Variants in PSTPIP2 observed in about 807,000 individuals in gnomAD.
PSTPIP2 encodes proline-serine-threonine phosphatase interacting protein 2.
In PSTPIP2, 33 loss-of-function variants were observed where a neutral mutation model predicts 63.3. That is an observed-to-expected ratio of 0.52 (90% CI 0.40 to 0.70). PSTPIP2 has a LOEUF of 0.70. Ranked by LOEUF, PSTPIP2 falls within the 30% of genes least tolerant of loss-of-function variation. The pLI, the probability that PSTPIP2 is intolerant of heterozygous loss-of-function variation, is 0.00. For synonymous variants in PSTPIP2, 125 were observed against 132.7 expected, an observed-to-expected ratio of 0.94 and a Z score of 0.40; for missense variants, 312 against 400.7, an observed-to-expected ratio of 0.78 and a Z score of 1.89.
At chr18:46,012,412 T>C (rs910965086) in intron 4 of PSTPIP2, among the ~76,000 whole-genome samples, 3 of 152,172 alleles carry the variant, frequency 2.0e-5, no homozygotes, top group African/African-American at 7.2e-5. Context: ...AAACAAACTA[T>C]AGAGAGAGAT....
intron 1 of PSTPIP2, among the ~76,000 whole-genome samples, chr18:46,053,426 T>C (rs1459050801): frequency 6.6e-6 from 1 of 152,182 alleles, no homozygotes; most frequent in Non-Finnish European, 1.5e-5. Context: ...ACAGGAAGTG[T>C]TTCTTTCAGT....
At chr18:45,998,463 CG>C (rs2051627132) in intron 8 of PSTPIP2, among the ~76,000 whole-genome samples, 1 of 152,094 alleles carries the variant, frequency 6.6e-6, no homozygotes, top group Non-Finnish European at 1.5e-5. Context: ...ATTGCAAAGC[CG>C]CTACCACATG....
At chr18:46,052,942 CT>C (rs1908632554) in intron 1 of PSTPIP2, among the ~76,000 whole-genome samples, 1 of 152,180 alleles carries the variant, frequency 6.6e-6, no homozygotes, top group African/African-American at 2.4e-5. Context: ...TAATTTCCAT[CT>C]TTTTACAAAT....
At chr18:46,017,646 C>G (rs1222294658) in intron 3 of PSTPIP2, among the ~76,000 whole-genome samples, 1 of 151,822 alleles carries the variant, frequency 6.6e-6, no homozygotes, top group African/African-American at 2.4e-5. Flanking sequence ...ATTTACTTGA[C>G]AAATAAAAAT....
Position 46,067,581 on chromosome 18 carries a change from A to G in PSTPIP2, c.33+4575T>C, listed in dbSNP as rs189782218. On this transcript the variant is annotated intron_variant, in intron 1 of 14. Coordinates refer to ENST00000409746, the MANE Select transcript of PSTPIP2 (RefSeq NM_024430.4). ...ACAACCTAACTTAGTGTGTAAACAAACCGTAACCTAACTAAGAGTATATTC... is the reference window on the plus strand; with the variant it reads ...ACAACCTAACTTAGTGTGTAAACAAGCCGTAACCTAACTAAGAGTATATTC... Among the ~76,000 whole-genome samples the G allele has an allele frequency of 5.4e-4, 82 of 152,236 alleles. 1 individual carries two copies. Among genetic ancestry groups the G allele is most frequent in the Middle Eastern group, 3.4e-3 (1 of 292 alleles).
At chr18:46,028,456 A>C (rs1907671843) in intron 2 of PSTPIP2, 1 of 590,176 alleles carries the variant, frequency 1.7e-6, no homozygotes, top group East Asian at 4.6e-5. Context: ...GGAGAAGACA[A>C]ACCGGCCGTG....
rs56236802 is a variant in PSTPIP2 at position 46,064,282 on chromosome 18, C to CTTTTTTTTT, written c.33+7865_33+7873dup. 1.5e-3 allele frequency among the ~76,000 whole-genome samples: 109 copies of CTTTTTTTTT among 71,556 alleles called. 1 individual carries two copies. The highest frequency in any genetic ancestry group is 2.2e-3 in the African/African-American group (34 of 15,432). The allele number at this position is 71,556 out of a possible 152,430, so 46.9% of individuals were successfully genotyped here. A position where few individuals can be genotyped will look rare whatever the true frequency, so the allele number is the denominator to read the frequency against. ...CTTTTTTTCTTCTTTCTTTTTCTTTCTTTTTTTTTTTTTTTTTTTTTTTTT... is the reference window on the plus strand; with the variant it reads ...CTTTTTTTCTTCTTTCTTTTTCTTTCTTTTTTTTTTTTTTTTTTTTTTTTTTTTTTTTTT... On this transcript the variant is annotated intron_variant, in intron 1 of 14. Transcript: ENST00000409746.
At chr18:46,028,941 T>C (rs1907692122) in intron 2 of PSTPIP2, 3 of 1,308,486 alleles carry the variant, frequency 2.3e-6, no homozygotes, top group Non-Finnish European at 2.2e-6. Flanking sequence ...AGCATGGTAA[T>C]GCTGAACGTC....
intron 6 of PSTPIP2, 27 bp downstream of exon 6, chr18:46,005,442 C>CA: frequency 3.2e-6 from 5 of 1,545,938 alleles, no homozygotes; most frequent in Non-Finnish European, 3.6e-6. Flanking sequence ...ACCATTATCC[C>CA]AAAAAAGACA....
chr18:46,011,952 C>A (rs945020939), intron 4 of PSTPIP2, among the ~76,000 whole-genome samples: 1 of 151,986 alleles, frequency 6.6e-6, no homozygotes, highest in Non-Finnish European at 1.5e-5. Context: ...GGTATCAAAA[C>A]CTTGAAGAAG....
At chr18:46,024,956 G>A (rs770791897) in intron 2 of PSTPIP2, among the ~76,000 whole-genome samples, 4 of 152,178 alleles carry the variant, frequency 2.6e-5, no homozygotes, top group Non-Finnish European at 5.9e-5. Context: ...ATTTGTTTAA[G>A]TGGAATAAGA....
intron 1 of PSTPIP2, among the ~76,000 whole-genome samples, chr18:46,062,761 T>C (rs1256075789): frequency 6.6e-6 from 1 of 152,088 alleles, no homozygotes; most frequent in African/African-American, 2.4e-5. Context: ...GTGATCCACC[T>C]GCCTTGGCCT....
At chr18:46,041,032 C>T in intron 1 of PSTPIP2, 1 of 458,964 alleles carries the variant, frequency 2.2e-6, no homozygotes, top group Non-Finnish European at 4.4e-6. Context: ...TTAAACTTGC[C>T]ACTGAACTTG....
chr18:46,058,088 T>C lies in PSTPIP2; in HGVS notation c.33+14068A>G, dbSNP rs537411475. ...TTTTTAAAAAATACAAAACTCTGGG[T>C]CAGAGGAAGAGATGGCTTGCTAACC... is the stretch of plus-strand genomic sequence containing the variant. On this transcript the variant is annotated intron_variant, in intron 1 of 14. Coordinates refer to ENST00000409746, the MANE Select transcript of PSTPIP2 (RefSeq NM_024430.4). Among the ~76,000 whole-genome samples the C allele has an allele frequency of 2.0e-3, 306 of 151,694 alleles. 1 individual carries two copies. Among genetic ancestry groups the C allele is most frequent in the African/African-American group, 7.1e-3 (294 of 41,316 alleles).
intron 2 of PSTPIP2, among the ~76,000 whole-genome samples, chr18:46,027,764 G>A (rs1907635754): frequency 6.6e-6 from 1 of 151,580 alleles, no homozygotes; most frequent in African/African-American, 2.4e-5. Context: ...AAAAACTGAA[G>A]TGAAGCTGAA....
At chr18:46,012,513 G>A (rs596415) in intron 4 of PSTPIP2, among the ~76,000 whole-genome samples, 17,291 of 152,218 alleles carry the variant, frequency 0.11, 1,273 homozygotes, top group East Asian at 0.38. Flanking sequence ...AGTGGCTCAC[G>A]CCTGTAATCC....
chr18:46,058,342 T>C (rs1005555197), intron 1 of PSTPIP2, among the ~76,000 whole-genome samples: 1 of 151,994 alleles, frequency 6.6e-6, no homozygotes, highest in Non-Finnish European at 1.5e-5. Context: ...GCATGTGTTA[T>C]ATTCCTAGTT....
intron 3 of PSTPIP2, among the ~76,000 whole-genome samples, chr18:46,020,292 G>A (rs1221536428): frequency 6.6e-6 from 1 of 152,118 alleles, no homozygotes. Context: ...GCCCTAACAG[G>A]TTCCATTATA....
intron 4 of PSTPIP2, among the ~76,000 whole-genome samples, chr18:46,011,567 T>G (rs750147752): frequency 6.6e-6 from 1 of 152,186 alleles, no homozygotes; most frequent in African/African-American, 2.4e-5. Flanking sequence ...AAGTTCCATT[T>G]CATGAAGGTT....
Sources: gnomAD v4.1 joint callset for allele counts (sites outside exome capture counted in the v4.1 genomes callset) on GRCh38, gnomAD v4.1.1 for gene constraint, MANE v1.5 for transcripts, NCBI Gene and HGNC (gene_info 2026-07-23, HGNC 2026-07-21) for gene names.